Variants in TMED3 observed in about 807,000 individuals in gnomAD.
TMED3 encodes transmembrane p24 trafficking protein 3.
In TMED3, 9 loss-of-function variants were observed where a neutral mutation model predicts 15.0. The observed-to-expected ratio is 0.60, with a 90% CI of 0.36 to 1.04. The LOEUF (loss-of-function observed/expected upper bound fraction) is 1.04, where lower values mean the gene tolerates loss of function less well. Ranked by LOEUF, TMED3 falls within the 50% of genes least tolerant of loss-of-function variation. TMED3 has a pLI of 0.01. For missense variants in TMED3, 267 were observed against 278.9 expected, an observed-to-expected ratio of 0.96 and a Z score of 0.30; for synonymous variants, 117 against 121.4, an observed-to-expected ratio of 0.96 and a Z score of 0.24.
intron 2 of TMED3, among the ~76,000 whole-genome samples, chr15:79,360,127 G>A (rs1567032350): frequency 6.6e-6 from 1 of 152,216 alleles, no homozygotes; most frequent in East Asian, 1.9e-4. Flanking sequence ...GTCAGTGAGA[G>A]GGCAGGTAGC....
chr15:79,323,236 A>G (rs1204268588), downstream of TMED3, among the ~76,000 whole-genome samples: 1 of 152,174 alleles, frequency 6.6e-6, no homozygotes, highest in Non-Finnish European at 1.5e-5. Context: ...TAAGAAATGA[A>G]TGCATACCAA....
chr15:79,375,571 G>T (rs1325183351), intron 2 of TMED3, among the ~76,000 whole-genome samples: 1 of 152,144 alleles, frequency 6.6e-6, no homozygotes, highest in Non-Finnish European at 1.5e-5. Context: ...TACCATTCAT[G>T]GTGGAAGGCA....
At chr15:79,403,395 G>A (rs1471287532) in intron 2 of TMED3, among the ~76,000 whole-genome samples, 1 of 152,014 alleles carries the variant, frequency 6.6e-6, no homozygotes, top group African/African-American at 2.4e-5. Context: ...TGCTTGGCTG[G>A]TGGGGTAACC....
chr15:79,405,585 A>G (rs1375968341), intron 2 of TMED3, among the ~76,000 whole-genome samples: 1 of 152,230 alleles, frequency 6.6e-6, no homozygotes, highest in African/African-American at 2.4e-5. Flanking sequence ...TACAGGGAAT[A>G]ACCTGGCAAG....
downstream of TMED3, among the ~76,000 whole-genome samples, chr15:79,324,786 G>A (rs926368578): frequency 6.6e-6 from 1 of 152,184 alleles, no homozygotes; most frequent in Non-Finnish European, 1.5e-5. Context: ...TGGTGGAAAA[G>A]GGTGTCAGCA....
chr15:79,396,075 T>C (rs559239488), intron 2 of TMED3, among the ~76,000 whole-genome samples: 1 of 152,346 alleles, frequency 6.6e-6, no homozygotes, highest in African/African-American at 2.4e-5. Context: ...ATGTTTAACA[T>C]CTTTTTTATT....
intron 2 of TMED3, among the ~76,000 whole-genome samples, chr15:79,407,637 TA>T (rs944676483): frequency 3.9e-5 from 6 of 152,310 alleles, no homozygotes; most frequent in African/African-American, 1.4e-4. Context: ...TTTTTCTAAA[TA>T]AAGTTTTATT....
At chr15:79,331,657 A>G (rs1330319003) in intron 2 of TMED3, among the ~76,000 whole-genome samples, 1 of 152,228 alleles carries the variant, frequency 6.6e-6, no homozygotes, top group Non-Finnish European at 1.5e-5. Context: ...TATTCATCAG[A>G]TAAAGGATTA....
chr15:79,362,302 T>TAA lies in TMED3; in HGVS notation c.417+48314_417+48315dup, dbSNP rs55882848. Among the ~76,000 whole-genome samples, 329 of 135,032 alleles carry TAA rather than the reference T, an allele frequency of 2.4e-3. 7 individuals are homozygous for TAA. The East Asian group carries it at 0.047, about 19-fold the overall frequency. The allele number at this position is 135,032 out of a possible 152,430, so 88.6% of individuals were successfully genotyped here. ...GGCATATAGTGTGATCTTGCCTCTA[T>TAA]AAAAAAAAAAAAAAAAAATTAGCCA... On this transcript the variant is annotated intron_variant, in intron 2 of 2. Coordinates refer to the TMED3 transcript ENST00000424155.
At chr15:79,396,051 A>G (rs1017403590) in intron 2 of TMED3, among the ~76,000 whole-genome samples, 3 of 152,196 alleles carry the variant, frequency 2.0e-5, no homozygotes, top group Admixed American at 2.0e-4. Context: ...TTGTCTCTCC[A>G]TCTTCTGACT....
chr15:79,387,594 GCACA>G (rs60358297), intron 2 of TMED3, among the ~76,000 whole-genome samples: 47,242 of 149,280 alleles, frequency 0.32, 8,696 homozygotes, highest in Middle Eastern at 0.5. Context: ...ACATGCACCT[GCACA>G]CACACACACA....
rs190952474 is a variant in TMED3, at chr15:79,348,951, C to T, written c.417+34946C>T. On this transcript the variant is annotated intron_variant, in intron 2 of 2. Coordinates refer to the TMED3 transcript ENST00000424155. Reference sequence around the variant, plus strand: ...GGTGGGTGATCCTCCCACCTCGGGCCCTCCCCCACCCCCAGTAGATGGCAC... The same window carrying T: ...GGTGGGTGATCCTCCCACCTCGGGCTCTCCCCCACCCCCAGTAGATGGCAC... Among the ~76,000 whole-genome samples the T allele has an allele frequency of 9.2e-4, 140 of 152,216 alleles. 1 individual carries two copies. The highest frequency in any genetic ancestry group is 3.3e-3 in the African/African-American group (136 of 41,530).
At chr15:79,319,999 ATGTC>A (rs1379994038) in intron 2 of TMED3, among the ~76,000 whole-genome samples, 3 of 79,356 alleles carry the variant, frequency 3.8e-5, no homozygotes, top group East Asian at 5.7e-4. Context: ...GGCCTGACTG[ATGTC>A]AGGCCCTCCA....
chr15:79,409,751 C>A (rs188998395), intron 2 of TMED3, among the ~76,000 whole-genome samples: 26 of 152,062 alleles, frequency 1.7e-4, no homozygotes, highest in Non-Finnish European at 3.2e-4. Context: ...TGCCTGGAGC[C>A]GAGTGACAGC....
At chr15:79,409,137 A>G (rs59850617) in intron 2 of TMED3, among the ~76,000 whole-genome samples, 5,070 of 152,268 alleles carry the variant, frequency 0.033, 265 homozygotes, top group African/African-American at 0.11. Context: ...ATGCCTGGCA[A>G]CACATTTCCA....
At chr15:79,323,679 T>C (rs1012035718), downstream of TMED3, among the ~76,000 whole-genome samples, 1 of 152,202 alleles carries the variant, frequency 6.6e-6, no homozygotes, top group Non-Finnish European at 1.5e-5. Flanking sequence ...GTAATGCTTA[T>C]CAAGCACTGA....
At chr15:79,411,315 G>C in intron 2 of TMED3, 1 of 673,262 alleles carries the variant, frequency 1.5e-6, no homozygotes, top group South Asian at 1.6e-5. Context: ...CAGAACTAGA[G>C]AATGCAAATG....
At chr15:79,336,354 A>T (rs1219357157) in intron 2 of TMED3, among the ~76,000 whole-genome samples, 7 of 152,174 alleles carry the variant, frequency 4.6e-5, no homozygotes, top group Non-Finnish European at 1.0e-4. Flanking sequence ...GTCTTGATAG[A>T]GCCAAAAACA....
intron 1 of TMED3, among the ~76,000 whole-genome samples, chr15:79,312,888 C>A (rs867496473): frequency 6.6e-6 from 1 of 152,240 alleles, no homozygotes; most frequent in Non-Finnish European, 1.5e-5. Context: ...GTTATTGGAA[C>A]GGAGAAGCAG....
Sources: gnomAD v4.1 joint callset for allele counts (sites outside exome capture counted in the v4.1 genomes callset) on GRCh38, gnomAD v4.1.1 for gene constraint, MANE v1.5 for transcripts, NCBI Gene and HGNC (gene_info 2026-07-23, HGNC 2026-07-21) for gene names.